GRM5: variants seen among roughly 807,000 people sequenced by gnomAD.
GRM5 encodes glutamate metabotropic receptor 5, also known as metabotropic glutamate receptor 5.
In GRM5, 19 loss-of-function variants were observed where a neutral mutation model predicts 83.1. That is an observed-to-expected ratio of 0.23 (90% CI 0.16 to 0.34). The LOEUF is 0.34. Ranked by LOEUF, GRM5 falls within the 10% of genes least tolerant of loss-of-function variation. The pLI is 1.00. For synonymous variants in GRM5, 675 were observed against 633.6 expected (o/e 1.07, Z -0.98); for missense variants, 1,160 against 1,588.3 (o/e 0.73, Z 4.58).
intron 2 of GRM5, among the ~76,000 whole-genome samples, chr11:89,001,178 C>A (rs1184273874): frequency 2.0e-5 from 3 of 152,018 alleles, no homozygotes; most frequent in Non-Finnish European, 2.9e-5. Context: ...TGCCAAACTA[C>A]ATTTTCCACT....
intron 3 of GRM5, among the ~76,000 whole-genome samples, chr11:88,662,349 C>G (rs1279410733): frequency 6.6e-6 from 1 of 152,076 alleles, no homozygotes; most frequent in African/African-American, 2.4e-5. Context: ...TAATGACATA[C>G]AGTAATGACA....
chr11:88,973,752 G>A (rs1424429647), intron 2 of GRM5, among the ~76,000 whole-genome samples: 1 of 152,048 alleles, frequency 6.6e-6, no homozygotes, highest in Non-Finnish European at 1.5e-5. Flanking sequence ...CTAATACAAG[G>A]AGTAATGGGG....
chr11:88,751,807 C>T (rs956358457), intron 3 of GRM5, among the ~76,000 whole-genome samples: 1 of 152,068 alleles, frequency 6.6e-6, no homozygotes, highest in Non-Finnish European at 1.5e-5. Context: ...ATATGCAAAT[C>T]AATAAATGTA....
Position 88,604,804 on chromosome 11 carries a change from T to C in GRM5, c.1308A>G (p.Lys436=). ...CDAMKPIDGR[K]LLESLMKTNF... ...TGGTTTTCATCAGGGACTCCAAAAG[T>C]TTCCGTCCATCAATTGGCTTCATGG... is the stretch of plus-strand genomic sequence containing the variant. Residue 436 remains lysine, a synonymous_variant, in exon 5 of 10, where the codon AAA becomes AAG. Coordinates refer to ENST00000305447, the MANE Select transcript of GRM5 (RefSeq NM_001143831.3). The C allele has an allele frequency of 1.2e-6, 2 of 1,613,746 alleles. No homozygotes were observed. Among genetic ancestry groups the C allele is most frequent in the South Asian group, 2.2e-5 (2 of 91,066 alleles).
intron 2 of GRM5, among the ~76,000 whole-genome samples, chr11:88,867,525 G>C (rs974261717): frequency 2.6e-5 from 4 of 151,586 alleles, no homozygotes; most frequent in Non-Finnish European, 4.4e-5. Flanking sequence ...GCTGGCTTTT[G>C]TTATAGGCCA....
At chr11:88,647,268 T>G (rs976109020) in intron 4 of GRM5, among the ~76,000 whole-genome samples, 1 of 152,048 alleles carries the variant, frequency 6.6e-6, no homozygotes, top group Non-Finnish European at 1.5e-5. Flanking sequence ...GATCATACTT[T>G]GAGGTTCTGG....
At chr11:89,010,886 C>T (rs1301548507) in intron 2 of GRM5, among the ~76,000 whole-genome samples, 1 of 152,066 alleles carries the variant, frequency 6.6e-6, no homozygotes, top group African/African-American at 2.4e-5. Flanking sequence ...GAGGATGGCA[C>T]ATGATTATGA....
intron 8 of GRM5, among the ~76,000 whole-genome samples, chr11:88,563,179 C>A (rs775104313): frequency 5.9e-5 from 9 of 152,294 alleles, no homozygotes; most frequent in Non-Finnish European, 1.2e-4. Context: ...CATATTACCT[C>A]ATTTACTACT....
intron 2 of GRM5, among the ~76,000 whole-genome samples, chr11:88,860,237 T>C (rs1389102680): frequency 2.0e-5 from 3 of 152,172 alleles, no homozygotes; most frequent in Non-Finnish European, 4.4e-5. Context: ...CTATTCTTCC[T>C]AGAGGAAAAT....
intron 6 of GRM5, among the ~76,000 whole-genome samples, chr11:88,593,850 G>C (rs777276764): frequency 6.7e-6 from 1 of 149,244 alleles, no homozygotes; most frequent in Non-Finnish European, 1.5e-5. Context: ...CTGGAGTGCA[G>C]TGGCGCCATC....
At chr11:88,679,356 A>G (rs1184656162) in intron 3 of GRM5, among the ~76,000 whole-genome samples, 2 of 152,332 alleles carry the variant, frequency 1.3e-5, no homozygotes, top group East Asian at 3.9e-4. Context: ...AGCTTTGGGA[A>G]CAAGATTATG....
chr11:89,025,152 T>A (rs1941099332), intron 2 of GRM5, among the ~76,000 whole-genome samples: 1 of 152,136 alleles, frequency 6.6e-6, no homozygotes, highest in Non-Finnish European at 1.5e-5. Context: ...AGGAAAAAAA[T>A]GTTATGAACC....
At chr11:88,639,449 G>T (rs1939229407) in intron 4 of GRM5, among the ~76,000 whole-genome samples, 1 of 152,034 alleles carries the variant, frequency 6.6e-6, no homozygotes, top group African/African-American at 2.4e-5. Flanking sequence ...TTGCAAACTT[G>T]TTTTCTGAAT....
intron 2 of GRM5, among the ~76,000 whole-genome samples, chr11:88,956,895 T>C (rs1235682548): frequency 6.6e-6 from 1 of 152,232 alleles, no homozygotes; most frequent in Non-Finnish European, 1.5e-5. Context: ...TCTTCATCTG[T>C]AAAATGGAGA....
At chr11:88,645,011 C>T (rs549503752) in intron 4 of GRM5, among the ~76,000 whole-genome samples, 1 of 152,024 alleles carries the variant, frequency 6.6e-6, no homozygotes, top group African/African-American at 2.4e-5. Context: ...TAAAGAAGTT[C>T]AAAAACCACA....
intron 3 of GRM5, among the ~76,000 whole-genome samples, chr11:88,798,259 C>G (rs1943320692): frequency 6.6e-6 from 1 of 151,820 alleles, no homozygotes; most frequent in Non-Finnish European, 1.5e-5. Flanking sequence ...TTTTTTTCTC[C>G]CATCCTCTTC....
intron 3 of GRM5, among the ~76,000 whole-genome samples, chr11:88,830,734 C>G (rs11021501): frequency 0.025 from 3,874 of 152,264 alleles, 174 homozygotes; most frequent in African/African-American, 0.089. Flanking sequence ...GGAGGTCACG[C>G]TGTGTATTCG....
In GRM5 at chr11:88,567,037, C is replaced by A. The variant is rs773952074; in HGVS notation, c.2630+16G>T. ...TTTTAGGGGCCAGCATCCCTGTAAGCCCCCACAACTTTTACCTTAAGGTTT... is the reference window on the plus strand; with the variant it reads ...TTTTAGGGGCCAGCATCCCTGTAAGACCCCACAACTTTTACCTTAAGGTTT... On this transcript the variant is annotated intron_variant, in intron 8 of 9. Coordinates refer to ENST00000305447, the MANE Select transcript of GRM5 (RefSeq NM_001143831.3). This position sits in a 1 kb window ranked among gnomAD's most constrained non-coding sequence, Gnocchi z 7.3. 1.6e-5 allele frequency: 25 copies of A among 1,525,486 alleles called. No individual in the cohort carries two copies. Among genetic ancestry groups the A allele is most frequent in the South Asian group, 2.4e-5 (2 of 83,706 alleles). 94.5% of individuals were successfully genotyped at this position (1,525,486 alleles called of 1,614,324 possible).
intron 4 of GRM5, among the ~76,000 whole-genome samples, chr11:88,612,037 T>C (rs1185220603): frequency 6.6e-6 from 1 of 151,430 alleles, no homozygotes; most frequent in Non-Finnish European, 1.5e-5. Context: ...TACATATGTA[T>C]ACATGTGCCA....
Sources: allele counts gnomAD v4.1 joint callset (sites outside exome capture counted in the v4.1 genomes callset), GRCh38; gene constraint gnomAD v4.1.1; non-coding constraint Gnocchi (gnomAD v3.1); transcripts MANE v1.5; gene names NCBI Gene and HGNC (gene_info 2026-07-23, HGNC 2026-07-21).